TEX9: variants seen among roughly 807,000 people sequenced by gnomAD.
The protein encoded by TEX9 is testis-expressed protein 9.
TEX9 carries 74 observed loss-of-function variants against 59.6 expected under a neutral mutation model. That is an observed-to-expected ratio of 1.24 (90% CI 1.03 to 1.51). The LOEUF (loss-of-function observed/expected upper bound fraction) is 1.51, where lower values mean the gene tolerates loss of function less well. TEX9 is among the 40% of genes most tolerant of loss of function. TEX9 has a pLI of 0.00. For missense variants in TEX9, 522 were observed against 447.8 expected (o/e 1.17, Z -1.49); for synonymous variants, 186 against 152.2 (o/e 1.22, Z -1.64).
chr15:56,315,866 C>T (rs2045744354), intron 1 of TEX9, among the ~76,000 whole-genome samples: 1 of 150,010 alleles, frequency 6.7e-6, no homozygotes, highest in African/African-American at 2.4e-5. Context: ...ATTATTTTTT[C>T]TCTAAACTTC....
chr15:56,451,604 T>C, the TEX9 span, among the ~76,000 whole-genome samples: 1 of 152,194 alleles, frequency 6.6e-6, no homozygotes, highest in African/African-American at 2.4e-5. Flanking sequence ...GTATTTTCAT[T>C]ATTATTCAGT....
chr15:56,398,339 G>A (rs1395977946), intron 9 of TEX9: 1 of 139,488 alleles, frequency 7.2e-6, no homozygotes, highest in South Asian at 2.2e-4. Flanking sequence ...TTACCTGTTT[G>A]TTTTACCTTC....
chr15:56,318,900 AGTT>A (rs1195593172), intron 1 of TEX9, among the ~76,000 whole-genome samples: 1 of 152,112 alleles, frequency 6.6e-6, no homozygotes, highest in African/African-American at 2.4e-5. Flanking sequence ...TAATTTATGC[AGTT>A]GTTAAGAGAC....
At chr15:56,286,130 C>G (rs2044947806) in intron 1 of TEX9, among the ~76,000 whole-genome samples, 1 of 152,006 alleles carries the variant, frequency 6.6e-6, no homozygotes, top group Admixed American at 6.6e-5. Context: ...CTGTATTTCC[C>G]CTCTCCTGTG....
At chr15:56,340,544 G>T (rs1377095625) in intron 1 of TEX9, among the ~76,000 whole-genome samples, 1 of 152,058 alleles carries the variant, frequency 6.6e-6, no homozygotes, top group Non-Finnish European at 1.5e-5. Flanking sequence ...CTGCTTATGA[G>T]AACTGGACAA....
chr15:56,291,372 T>C (rs2045086886), intron 1 of TEX9, among the ~76,000 whole-genome samples: 1 of 152,200 alleles, frequency 6.6e-6, no homozygotes, highest in African/African-American at 2.4e-5. Flanking sequence ...ACCTCTTACT[T>C]GGTGGCAAGT....
chr15:56,299,597 T>G (rs2045293898), intron 1 of TEX9, among the ~76,000 whole-genome samples: 1 of 152,064 alleles, frequency 6.6e-6, no homozygotes, highest in Non-Finnish European at 1.5e-5. Context: ...TAAACCCAGG[T>G]AGCTCAGCTC....
chr15:56,319,835 A>G (rs1031293986), intron 1 of TEX9, among the ~76,000 whole-genome samples: 7 of 152,220 alleles, frequency 4.6e-5, no homozygotes, highest in Admixed American at 2.0e-4. Context: ...GAAAATGAGT[A>G]TTAAAGTCAG....
chr15:56,391,271 A>G, exon 7 of TEX9: 1 of 1,575,550 alleles, frequency 6.3e-7, no homozygotes, highest in South Asian at 1.2e-5. Context: ...TGATGTCCAA[A>G]CTGCCGACGA....
At chr15:56,383,668 G>C (rs1355723059) in intron 3 of TEX9, among the ~76,000 whole-genome samples, 3 of 152,188 alleles carry the variant, frequency 2.0e-5, no homozygotes, top group African/African-American at 7.2e-5. Flanking sequence ...TAAGCTGGAA[G>C]ACTCTAAAGG....
chr15:56,297,017 A>T (rs1202779422), intron 1 of TEX9, among the ~76,000 whole-genome samples: 1 of 151,408 alleles, frequency 6.6e-6, no homozygotes, highest in African/African-American at 2.4e-5. Flanking sequence ...TATGTGATTA[A>T]GCTAAAACAG....
At chr15:56,443,580 A>G in intron 12 of TEX9, 3 of 1,584,274 alleles carry the variant, frequency 1.9e-6, no homozygotes, top group Non-Finnish European at 1.7e-6. Flanking sequence ...TAGGATCCAA[A>G]TTCTGTAACT....
At chr15:56,354,868 G>A (rs2046655666) in intron 1 of TEX9, among the ~76,000 whole-genome samples, 1 of 152,116 alleles carries the variant, frequency 6.6e-6, no homozygotes, top group South Asian at 2.1e-4. Flanking sequence ...GGGTGGACAT[G>A]GATGACTCTT....
intron 1 of TEX9, among the ~76,000 whole-genome samples, chr15:56,268,550 G>T (rs1282648124): frequency 1.3e-5 from 2 of 152,132 alleles, no homozygotes; most frequent in East Asian, 1.9e-4. Context: ...GTTAAATTCT[G>T]TTGAAGGCCT....
chr15:56,257,637 G>C (rs113700638), intron 1 of TEX9, among the ~76,000 whole-genome samples: 1 of 151,852 alleles, frequency 6.6e-6, no homozygotes, highest in African/African-American at 2.4e-5. Flanking sequence ...CTTTTTAATC[G>C]GGTTGTTTTT....
chr15:56,427,260 C>T (rs918871507), intron 10 of TEX9, among the ~76,000 whole-genome samples: 1 of 149,580 alleles, frequency 6.7e-6, no homozygotes, highest in Non-Finnish European at 1.5e-5. Flanking sequence ...TACTCATCTA[C>T]ACCTTCAAAT....
chr15:56,375,558 G>A (rs563692065), intron 3 of TEX9, among the ~76,000 whole-genome samples: 7 of 152,222 alleles, frequency 4.6e-5, no homozygotes, highest in African/African-American at 1.7e-4. Flanking sequence ...TGTTGCCATT[G>A]CTTTTGGTGT....
At chr15:56,322,773 G>A (rs1265789366) in intron 1 of TEX9, among the ~76,000 whole-genome samples, 1 of 152,078 alleles carries the variant, frequency 6.6e-6, no homozygotes, top group Non-Finnish European at 1.5e-5. Context: ...GAACAAAGGG[G>A]CCAAATAATA....
At chr15:56,325,942 A>G (rs144164092) in intron 1 of TEX9, among the ~76,000 whole-genome samples, 170 of 152,292 alleles carry the variant, frequency 1.1e-3, no homozygotes, top group African/African-American at 3.9e-3. Flanking sequence ...TCATGTCTCA[A>G]GGTCTGATAA....
Sources: gnomAD v4.1 joint callset for allele counts (sites outside exome capture counted in the v4.1 genomes callset) on GRCh38, gnomAD v4.1.1 for gene constraint, MANE v1.5 for transcripts, NCBI Gene and HGNC (gene_info 2026-07-23, HGNC 2026-07-21) for gene names.